RELN: variants seen among roughly 807,000 people sequenced by gnomAD.
RELN encodes the protein reelin.
Under a neutral mutation model 427.6 loss-of-function variants are expected in RELN, and 108 were observed. That is an observed-to-expected ratio of 0.25 (90% CI 0.22 to 0.30). The LOEUF is 0.30. Ranked by LOEUF, RELN falls within the 10% of genes least tolerant of loss-of-function variation. The pLI is 1.00. For missense variants in RELN, 3,715 were observed against 4,302.8 expected, an observed-to-expected ratio of 0.86 and a Z score of 3.82; for synonymous variants, 1,524 against 1,513.4, an observed-to-expected ratio of 1.01 and a Z score of -0.16.
At chr7:103,928,549 A>G (rs1003744184) in intron 1 of RELN, among the ~76,000 whole-genome samples, 2 of 152,234 alleles carry the variant, frequency 1.3e-5, no homozygotes, top group Non-Finnish European at 2.9e-5. Flanking sequence ...GCTCTTAGGA[A>G]ACAGAATTTC....
Position 103,497,074 on chromosome 7 carries a change from C to T in RELN, c.8951-306G>A, listed in dbSNP as rs78144691. Reference sequence around the variant, plus strand: ...TATTTCTCACAAATAATGAGATACACCCATGTTTTACATGTTTCTAGGCAA... The same window carrying T: ...TATTTCTCACAAATAATGAGATACATCCATGTTTTACATGTTTCTAGGCAA... On this transcript the variant is annotated intron_variant, in intron 55 of 64. Transcript: ENST00000428762. 9.6e-3 allele frequency among the ~76,000 whole-genome samples: 1,460 copies of T among 152,264 alleles called. 27 individuals are homozygous for T. The highest frequency in any genetic ancestry group is 0.033 in the African/African-American group (1,388 of 41,558).
At chr7:103,949,167 C>A (rs1040651589) in intron 1 of RELN, among the ~76,000 whole-genome samples, 4 of 151,322 alleles carry the variant, frequency 2.6e-5, no homozygotes, top group Admixed American at 6.6e-5. Flanking sequence ...AGTTTTAATT[C>A]TCAAAAACTT....
At chr7:103,656,938 T>C (rs1367829180) in intron 12 of RELN, among the ~76,000 whole-genome samples, 1 of 152,108 alleles carries the variant, frequency 6.6e-6, no homozygotes, top group Admixed American at 6.6e-5. Flanking sequence ...GGTTATATAA[T>C]GTGCCCATAG....
chr7:103,575,978 A>G (rs759534724), intron 28 of RELN, among the ~76,000 whole-genome samples: 1 of 152,004 alleles, frequency 6.6e-6, no homozygotes, highest in Non-Finnish European at 1.5e-5. Context: ...TCCAGGTTCA[A>G]GAGATTCTCT....
chr7:103,921,391 G>A (rs778560080), intron 1 of RELN, among the ~76,000 whole-genome samples: 2 of 152,000 alleles, frequency 1.3e-5, no homozygotes, highest in Non-Finnish European at 2.9e-5. Context: ...AATTTTTATG[G>A]TCAAATTTGT....
chr7:103,532,393 G>A (rs547080303), intron 46 of RELN, among the ~76,000 whole-genome samples: 11 of 151,976 alleles, frequency 7.2e-5, no homozygotes, highest in African/African-American at 2.7e-4. Context: ...AAACCACCAC[G>A]GCACATGTTT....
At chr7:103,881,106 GCT>G (rs1227946885) in intron 2 of RELN, among the ~76,000 whole-genome samples, 4 of 152,214 alleles carry the variant, frequency 2.6e-5, no homozygotes, top group Non-Finnish European at 4.4e-5. Context: ...TGTAGCTACT[GCT>G]CTCTTTTTTC....
intron 2 of RELN, among the ~76,000 whole-genome samples, chr7:103,867,129 C>G (rs903038735): frequency 4.6e-5 from 7 of 152,088 alleles, no homozygotes; most frequent in Non-Finnish European, 1.0e-4. Flanking sequence ...TCTGCAACAG[C>G]TGAATAAGCG....
At chr7:103,958,180 T>C (rs1026767759) in intron 1 of RELN, among the ~76,000 whole-genome samples, 1 of 152,218 alleles carries the variant, frequency 6.6e-6, no homozygotes, top group Non-Finnish European at 1.5e-5. Flanking sequence ...ACTTAATGAA[T>C]AATCCCCTCC....
chr7:103,805,946 A>G (rs1792588591), intron 3 of RELN, among the ~76,000 whole-genome samples: 1 of 152,118 alleles, frequency 6.6e-6, no homozygotes, highest in Admixed American at 6.5e-5. Context: ...TTTTTTTCAC[A>G]CAAAAGAGAA....
chr7:103,769,366 T>C (rs1190957385), intron 4 of RELN, among the ~76,000 whole-genome samples: 1 of 152,178 alleles, frequency 6.6e-6, no homozygotes, highest in Non-Finnish European at 1.5e-5. Flanking sequence ...CACGTGAGGA[T>C]ACAGCATTCC....
chr7:103,511,674 G>A (rs1205625882), intron 50 of RELN, among the ~76,000 whole-genome samples: 1 of 151,414 alleles, frequency 6.6e-6, no homozygotes, highest in African/African-American at 2.4e-5. Flanking sequence ...GGCCAGCCTG[G>A]GCAACATAGT....
In RELN at chr7:103,486,431, G is replaced by A; in HGVS notation, c.9764-15C>T. The A allele has an allele frequency of 6.2e-7, 1 of 1,600,426 alleles. No homozygotes were observed. The highest frequency in any genetic ancestry group is 8.6e-7 in the Non-Finnish European group (1 of 1,167,788). ...GCAGTCATCACCTAGAGGACAAGGA[G>A]CAGTCACAGAAATTAAGTGGACCAA... is the stretch of plus-strand genomic sequence containing the variant. On this transcript the variant is annotated splice_polypyrimidine_tract_variant and intron_variant, in intron 60 of 64. Coordinates refer to ENST00000428762, the MANE Select transcript of RELN (RefSeq NM_005045.4).
chr7:103,931,051 A>C (rs1309719535), intron 1 of RELN, among the ~76,000 whole-genome samples: 5 of 152,064 alleles, frequency 3.3e-5, no homozygotes, highest in African/African-American at 4.8e-5. Flanking sequence ...GTCTTATAAA[A>C]TTCCCTTTTG....
chr7:103,728,166 G>C lies in RELN; in HGVS notation c.698C>G (p.Ala233Gly). Reference sequence around the variant, plus strand: ...GGTGACGGCATTGCCATGCATAATCGCGCCACACTGTTCTCCAGTCTCACA... The same window carrying C: ...GGTGACGGCATTGCCATGCATAATCCCGCCACACTGTTCTCCAGTCTCACA... The part of the protein sequence containing the change: ...NNCETGEQCG[A>G]IMHGNAVTFC... Residue 233 changes from alanine to glycine, a missense_variant, in exon 7 of 65, where the codon GCG (alanine) becomes GGG (glycine). Around this residue, in one of 4 missense-constraint regions of RELN, gnomAD observed 2,208 missense variants for 2,361.7 expected, o/e 0.93. Transcript: ENST00000428762. The C allele has an allele frequency of 6.2e-7, 1 of 1,613,750 alleles. No homozygotes were observed. Among genetic ancestry groups the C allele is most frequent in the East Asian group, 2.2e-5 (1 of 44,868 alleles).
At chr7:103,486,924 A>G (rs566662064) in intron 60 of RELN, among the ~76,000 whole-genome samples, 1 of 152,256 alleles carries the variant, frequency 6.6e-6, no homozygotes, top group Non-Finnish European at 1.5e-5. Context: ...CCAAAGGATT[A>G]TAAATCATTC....
chr7:103,877,157 C>A (rs2283031), intron 2 of RELN, among the ~76,000 whole-genome samples: 1 of 151,878 alleles, frequency 6.6e-6, no homozygotes, highest in East Asian at 1.9e-4. Flanking sequence ...TAACACACAC[C>A]TCACCTCTCT....
In RELN at chr7:103,980,914, T is replaced by G. The variant is rs147289290; in HGVS notation, c.226+8217A>C. ...ATTCCTCCATCACACACACTGGACA[T>G]ATAACATTATTTGCAGGATGAGAAT... On this transcript the variant is annotated intron_variant, in intron 1 of 64. Coordinates refer to ENST00000428762, the MANE Select transcript of RELN (RefSeq NM_005045.4). 1.2e-3 allele frequency among the ~76,000 whole-genome samples: 187 copies of G among 152,282 alleles called. 1 individual carries two copies. The highest frequency in any genetic ancestry group is 4.4e-3 in the African/African-American group (183 of 41,570).
intron 31 of RELN, among the ~76,000 whole-genome samples, chr7:103,567,860 A>G (rs985848122): frequency 2.0e-5 from 3 of 151,758 alleles, no homozygotes; most frequent in African/African-American, 7.3e-5. Flanking sequence ...CAGTGGCACG[A>G]TTACAGCTCA....
Sources: allele counts gnomAD v4.1 joint callset (sites outside exome capture counted in the v4.1 genomes callset), GRCh38; gene constraint gnomAD v4.1.1; regional missense constraint gnomAD v4.1.1; transcripts MANE v1.5; gene names NCBI Gene and HGNC (gene_info 2026-07-23, HGNC 2026-07-21).